TTN: variants seen among roughly 807,000 people sequenced by gnomAD.
The protein encoded by TTN is titin.
In TTN, 1,525 loss-of-function variants were observed where a neutral mutation model predicts 3,223.0. The ratio of observed to expected loss-of-function variants is 0.47; its 90% confidence interval spans 0.45 to 0.49. TTN has a LOEUF of 0.49. Among genes scored for constraint, TTN ranks in the 20% least tolerant of loss-of-function variants. The pLI is 0.00. For missense variants in TTN, 40,786 were observed against 43,424.0 expected (o/e 0.94, Z 5.40); for synonymous variants, 14,094 against 15,161.0 (o/e 0.93, Z 5.17).
chr2:178,619,551 T>G (rs554147751), intron 250 of TTN, 70 bp downstream of exon 250: 1 of 1,570,868 alleles, frequency 6.4e-7, no homozygotes, highest in Non-Finnish European at 8.6e-7. Flanking sequence ...ATTACCTCAT[T>G]AAATAACTGT....
At chr2:178,630,218 C>A in intron 239 of TTN, 23 bp downstream of exon 239, 1 of 1,610,702 alleles carries the variant, frequency 6.2e-7, no homozygotes, top group Non-Finnish European at 8.5e-7. Flanking sequence ...ATTTAATTTC[C>A]CTGAAAAATA....
Position 178,735,567 on chromosome 2 carries a change from C to T in TTN, c.14879G>A (p.Cys4960Tyr). The change falls in exon 50 of 363, where the codon TGT becomes TAT. Residue 4960 changes from cysteine to tyrosine, a missense_variant. Cys to Tyr is a radical substitution (Grantham distance 194). Coordinates refer to ENST00000589042, the MANE Select transcript of TTN (RefSeq NM_001267550.2). ...AKLKDSGTYV[C>Y]TASNEAGSSS... ...GCTTCCAGCCTCATTTGAAGCTGTA[C>T]AGACATAGGTTCCTGAATCTTTCAG... 6.2e-7 allele frequency: 1 copy of T among 1,611,682 alleles called. No homozygotes were observed. The highest frequency in any genetic ancestry group is 8.5e-7 in the Non-Finnish European group (1 of 1,179,256).
At chr2:178,738,990 C>T in intron 48 of TTN, 151 bp downstream of exon 48, 1 of 1,045,662 alleles carries the variant, frequency 9.6e-7, no homozygotes, top group South Asian at 2.5e-5. Flanking sequence ...AAGGTGAGTT[C>T]ATAACCATGA....
At chr2:178,799,402 C>T in intron 6 of TTN, 85 bp downstream of exon 6, 1 of 1,605,448 alleles carries the variant, frequency 6.2e-7, no homozygotes, top group African/African-American at 1.3e-5. Context: ...GTCGCATGCC[C>T]TGCGAGGGGG....
intron 3 of TTN, 77 bp from the exon 4 acceptor site, chr2:178,800,759 C>G (rs962677710): frequency 1.1e-4 from 163 of 1,482,102 alleles, no homozygotes; most frequent in Non-Finnish European, 1.4e-4. Flanking sequence ...AATCACAGCT[C>G]CAATTCCAAA....
rs749742280 is a variant in TTN, at chr2:178,753,194, A to C, written c.11255-14T>G. Reference sequence around the variant, plus strand: ...TTGATTCAGGAGCTAAAATAGAAAAACATATAAAGAGATTTTAGTGATTAA... The same window carrying C: ...TTGATTCAGGAGCTAAAATAGAAAACCATATAAAGAGATTTTAGTGATTAA... On this transcript the variant is annotated splice_polypyrimidine_tract_variant and intron_variant, in intron 46 of 362. Transcript: ENST00000589042. 1.3e-5 allele frequency: 21 copies of C among 1,595,348 alleles called. No individual in the cohort carries two copies. In the South Asian group the frequency reaches 2.2e-4, roughly 17 times the overall value.
intron 65 of TTN, 39 bp from the exon 66 acceptor site, chr2:178,728,817 A>G: frequency 6.3e-7 from 1 of 1,580,656 alleles, no homozygotes; most frequent in Non-Finnish European, 8.6e-7. Flanking sequence ...TTACATTGGT[A>G]ACTCCACTAG....
At position 178,672,720 on chromosome 2, in the gene TTN, T is replaced by C. The variant is rs1397748574; in HGVS notation, c.34787-17A>G. 4 of 1,580,306 alleles carry C rather than the reference T, an allele frequency of 2.5e-6. No homozygotes were observed. Among genetic ancestry groups the C allele is most frequent in the Non-Finnish European group, 3.4e-6 (4 of 1,160,934 alleles). On this transcript the variant is annotated splice_polypyrimidine_tract_variant and intron_variant, in intron 152 of 362. Coordinates refer to ENST00000589042, the MANE Select transcript of TTN (RefSeq NM_001267550.2). ...TCTTTGACACTTTAAAGATATTAGG[T>C]GTTTTAGTTAGCTGAGAATGTTCAA...
At chr2:178,625,531 C>A (rs2058894688) in intron 240 of TTN, 135 bp from the exon 241 acceptor site, 1 of 901,884 alleles carries the variant, frequency 1.1e-6, no homozygotes, top group African/African-American at 1.7e-5. Flanking sequence ...CGTATGCATT[C>A]AAAAATCATT....
Position 178,591,888 on chromosome 2 carries a change from G to A in TTN, c.59931C>T (p.Pro19977=). Residue 19977 remains proline (P), a synonymous_variant, in exon 303 of 363, where the codon CCC becomes CCT. Transcript: ENST00000589042. ...GGTGCAGGTCCTTGGGTGGCCCTGGGGGATCTTTTCAAAGAAGAAGTTATG... is the reference window on the plus strand; with the variant it reads ...GGTGCAGGTCCTTGGGTGGCCCTGGAGGATCTTTTCAAAGAAGAAGTTATG... The part of the protein sequence containing the change: ...KPIKALDPLH[P]PGPPKDLHHV... The A allele has an allele frequency of 6.2e-7, 1 of 1,607,318 alleles. No individual in the cohort carries two copies. Among genetic ancestry groups the A allele is most frequent in the South Asian group, 1.1e-5 (1 of 89,418 alleles).
rs748798373 is a variant in TTN, at chr2:178,715,026, A to G, written c.26160T>C (p.Asp8720=). The change falls in exon 90 of 363, where the codon GAT becomes GAC. Residue 8720 remains aspartate (D), a synonymous_variant. Transcript: ENST00000589042. The part of the protein sequence containing the change: ...IGEYQCKATN[D]VGSDTCVGSI... The stretch of plus-strand genomic sequence containing the variant: ...AACCAACGCAAGTGTCGCTTCCCAC[A>G]TCATTTGTGGCTTTACACTGATATT... 6.8e-6 allele frequency: 11 copies of G among 1,613,144 alleles called. No individual in the cohort carries two copies. The highest frequency in any genetic ancestry group is 9.3e-6 in the Non-Finnish European group (11 of 1,179,302).
At chr2:178,606,480 T>C (rs2054854877) in intron 278 of TTN, among the ~76,000 whole-genome samples, 1 of 151,962 alleles carries the variant, frequency 6.6e-6, no homozygotes, top group South Asian at 2.1e-4. Flanking sequence ...CAGTGTGCAT[T>C]ACTGTGTGTG....
intron 13 of TTN, among the ~76,000 whole-genome samples, chr2:178,788,725 T>G (rs2093335673): frequency 6.6e-6 from 1 of 152,086 alleles, no homozygotes; most frequent in Non-Finnish European, 1.5e-5. Flanking sequence ...TAGCTACAAA[T>G]AGATACGGTA....
rs758606539 is a variant in TTN at position 178,588,694 on chromosome 2, C to A, written c.63031G>T (p.Val21011Phe). 6.2e-7 allele frequency: 1 copy of A among 1,613,208 alleles called. No homozygotes were observed. Among genetic ancestry groups the A allele is most frequent in the Admixed American group, 1.7e-5 (1 of 59,974 alleles). Residue 21011 changes from valine (V) to phenylalanine (F), a missense_variant, in exon 304 of 363, where the codon GTC becomes TTC. Val to Phe is a conservative substitution (Grantham distance 50). Coordinates refer to ENST00000589042, the MANE Select transcript of TTN (RefSeq NM_001267550.2). ...EKKEKHSTRWVPVNKSAIPER... is the reference protein window; with the variant it reads ...EKKEKHSTRWFPVNKSAIPER... ...GGGATTGCACTCTTGTTGACAGGGA[C>A]CCATCGTGTTGAATGCTTTTCCTTT...
chr2:178,787,869 A>C (rs2093285950), intron 13 of TTN, among the ~76,000 whole-genome samples: 1 of 152,092 alleles, frequency 6.6e-6, no homozygotes, highest in Non-Finnish European at 1.5e-5. Flanking sequence ...GGACTTTGAT[A>C]TCTCTCACAT....
intron 43 of TTN, among the ~76,000 whole-genome samples, chr2:178,763,455 T>C (rs2089726883): frequency 6.6e-6 from 1 of 152,234 alleles, no homozygotes; most frequent in Admixed American, 6.5e-5. Flanking sequence ...ATGGAGTATC[T>C]ACTATGTATC....
rs747305122 is a variant in TTN, at chr2:178,586,714, G to C, written c.64187C>G (p.Ala21396Gly). Residue 21396 changes from alanine (A) to glycine (G), a missense_variant, in exon 308 of 363, where the codon GCT becomes GGT. Transcript: ENST00000589042. ...ACTAGTGATGTAGCCATCGATTTTAGCACCTCCATCACGTAGGGGAGGTAA... is the reference window on the plus strand; with the variant it reads ...ACTAGTGATGTAGCCATCGATTTTACCACCTCCATCACGTAGGGGAGGTAA... ...AWLPPLRDGG[A>G]KIDGYITSYR... 3 of 1,613,042 alleles carry C rather than the reference G, an allele frequency of 1.9e-6. No homozygotes were observed. In the South Asian group the frequency reaches 3.3e-5, roughly 18 times the overall value.
Position 178,706,546 on chromosome 2 carries a change from T to A in TTN, c.29328A>T (p.Glu9776Asp). ...SGLYRCVAFN[E>D]HGEIESNVNL... ...TAACATTACTTTCAATTTCACCATG[T>A]TCGTTAAATGCCACGCATCGGTATA... Residue 9776 changes from glutamate to aspartate, a missense_variant, in exon 102 of 363, where the codon GAA (glutamate) becomes GAT (aspartate). Physicochemically the swap from Glu to Asp is conservative, Grantham distance 45 (BLOSUM62 2). Transcript: ENST00000589042. 6.2e-7 allele frequency: 1 copy of A among 1,613,884 alleles called. No homozygotes were observed. The highest frequency in any genetic ancestry group is 8.5e-7 in the Non-Finnish European group (1 of 1,179,802).
Position 178,776,603 on chromosome 2 carries a change from A to T in TTN, c.5261T>A (p.Ile1754Asn). ...AAGGCTGCAGTACCCAAATTCATTG[A>T]TCATACGGAGCCTGTTGGCTGCTTC... ...PLEAANRLRM[I>N]NEFGYCSLDY... Residue 1754 changes from isoleucine to asparagine, a missense_variant, in exon 28 of 363, where the codon ATC becomes AAC. Physicochemically the swap from Ile to Asn is moderately radical, Grantham distance 149. Transcript: ENST00000589042. The T allele has an allele frequency of 6.2e-7, 1 of 1,614,070 alleles. No individual in the cohort carries two copies. Among genetic ancestry groups the T allele is most frequent in the Admixed American group, 1.7e-5 (1 of 60,006 alleles).
Sources: gnomAD v4.1 joint callset for allele counts (sites outside exome capture counted in the v4.1 genomes callset) on GRCh38, gnomAD v4.1.1 for gene constraint, MANE v1.5 for transcripts, NCBI Gene and HGNC (gene_info 2026-07-23, HGNC 2026-07-21) for gene names.